MYO3B: variants seen among roughly 807,000 people sequenced by gnomAD.
MYO3B encodes the protein myosin IIIB.
A neutral mutation model predicts 174.6 loss-of-function variants in MYO3B; 156 were observed. The ratio of observed to expected loss-of-function variants is 0.89; its 90% CI spans 0.78 to 1.02. MYO3B has a LOEUF of 1.02. MYO3B is among the 50% of genes least tolerant of loss of function. The pLI, the probability that MYO3B is intolerant of heterozygous loss-of-function variation, is 0.00. For missense variants in MYO3B, 1,632 were observed against 1,639.4 expected (o/e 1.00, Z 0.08); for synonymous variants, 563 against 569.1 (o/e 0.99, Z 0.15).
At chr2:170,485,597 T>C (rs552775959) in intron 25 of MYO3B, among the ~76,000 whole-genome samples, 1 of 152,316 alleles carries the variant, frequency 6.6e-6, no homozygotes, top group South Asian at 2.1e-4. Flanking sequence ...CTCATTGACA[T>C]TCATGATATT....
At chr2:170,372,131 AAAAAAAAAAAAAAAC>A (rs2094252048) in intron 9 of MYO3B, among the ~76,000 whole-genome samples, 1 of 142,550 alleles carries the variant, frequency 7.0e-6, no homozygotes, top group Non-Finnish European at 1.5e-5. Context: ...AAAAAAAAAA[AAAAAAAAAAAAAAAC>A]AACAACAACA....
At chr2:170,386,421 CCT>C (rs1400100640) in intron 13 of MYO3B, 149 bp downstream of exon 13, 1 of 583,880 alleles carries the variant, frequency 1.7e-6, no homozygotes, top group East Asian at 3.1e-5. Flanking sequence ...GATAGCGAGG[CCT>C]CTTAAGATGT....
Position 170,451,996 on chromosome 2 carries a change from G to A in MYO3B, c.2730+7950G>A, listed in dbSNP as rs560657817. 1.5e-4 allele frequency among the ~76,000 whole-genome samples: 23 copies of A among 152,262 alleles called. No homozygotes were observed. The South Asian group carries it at 4.8e-3, about 32-fold the overall frequency. On this transcript the variant is annotated intron_variant, in intron 23 of 34. Transcript: ENST00000408978. Reference sequence around the variant, plus strand: ...AGCCAATCGGCCCATTTTGTAATCAGCCCATCTACATGGGAGTCTCATCTC... The same window carrying A: ...AGCCAATCGGCCCATTTTGTAATCAACCCATCTACATGGGAGTCTCATCTC...
At position 170,386,577 on chromosome 2, in the gene MYO3B, G is replaced by A. The variant is rs148126400; in HGVS notation, c.1374+305G>A. 6.8e-3 allele frequency among the ~76,000 whole-genome samples: 1,037 copies of A among 152,266 alleles called. 13 individuals carry two copies. Among genetic ancestry groups the A allele is most frequent in the African/African-American group, 0.023 (966 of 41,548 alleles). On this transcript the variant is annotated intron_variant, in intron 13 of 34. Transcript: ENST00000408978. ...AAAAATGGTTAAGCACTAGGAACAG[G>A]ATCAGGGAAAGCCACTATAGTGATT... is the stretch of plus-strand genomic sequence containing the variant.
intron 8 of MYO3B, among the ~76,000 whole-genome samples, chr2:170,361,183 TTCTAACCATTTAAGGTGTGA>T (rs2094157902): frequency 6.6e-6 from 1 of 152,168 alleles, no homozygotes; most frequent in Non-Finnish European, 1.5e-5. Context: ...ACAATAACCT[TTCTAACCATTTAAGGTGTGA>T]TCTCCCAGGG....
rs113453257 is a variant in MYO3B at position 170,530,014 on chromosome 2, G to A, written c.3575+10474G>A. On this transcript the variant is annotated intron_variant, in intron 30 of 34. Coordinates refer to ENST00000408978, the MANE Select transcript of MYO3B (RefSeq NM_138995.5). Reference sequence around the variant, plus strand: ...AAATATGCCAATATATTTTCCACTAGCATCGCCCTGGTCACCTTAAATTAA... The same window carrying A: ...AAATATGCCAATATATTTTCCACTAACATCGCCCTGGTCACCTTAAATTAA... Among the ~76,000 whole-genome samples the A allele has an allele frequency of 2.7e-3, 417 of 152,294 alleles. 1 individual carries two copies. Among genetic ancestry groups the A allele is most frequent in the African/African-American group, 9.4e-3 (390 of 41,558 alleles).
intron 1 of MYO3B, among the ~76,000 whole-genome samples, chr2:170,197,080 T>C (rs1272641731): frequency 1.3e-5 from 2 of 151,964 alleles, no homozygotes; most frequent in Non-Finnish European, 2.9e-5. Flanking sequence ...ACTTCTCCTG[T>C]GGCCCCACCC....
At chr2:170,456,518 G>T (rs534920215) in intron 23 of MYO3B, among the ~76,000 whole-genome samples, 9 of 152,236 alleles carry the variant, frequency 5.9e-5, no homozygotes, top group Non-Finnish European at 1.0e-4. Flanking sequence ...TCAACATGGG[G>T]TATATGAACC....
chr2:170,530,531 T>C (rs1440407258), intron 30 of MYO3B, among the ~76,000 whole-genome samples: 1 of 152,236 alleles, frequency 6.6e-6, no homozygotes, highest in Non-Finnish European at 1.5e-5. Context: ...AGCTGTTAGC[T>C]CTGAGAACCA....
chr2:170,512,788 A>G (rs1486194027), intron 28 of MYO3B, among the ~76,000 whole-genome samples: 3 of 152,206 alleles, frequency 2.0e-5, no homozygotes, highest in Non-Finnish European at 2.9e-5. Context: ...AATGACCTGC[A>G]TCATGTAATA....
intron 30 of MYO3B, among the ~76,000 whole-genome samples, chr2:170,537,213 A>C (rs1689760093): frequency 2.7e-5 from 3 of 110,092 alleles, no homozygotes; most frequent in South Asian, 5.8e-4. Flanking sequence ...AAAAAAAAAA[A>C]AACAAAAAAC....
At chr2:170,301,526 C>T (rs964192725) in intron 7 of MYO3B, among the ~76,000 whole-genome samples, 1 of 152,146 alleles carries the variant, frequency 6.6e-6, no homozygotes, top group Admixed American at 6.6e-5. Context: ...TCACACTCTT[C>T]TACTACATTA....
At chr2:170,386,380 A>G (rs1323782597) in intron 13 of MYO3B, 108 bp downstream of exon 13, 29 of 854,730 alleles carry the variant, frequency 3.4e-5, no homozygotes, top group Non-Finnish European at 5.1e-5. Context: ...GCTTACATAA[A>G]GACATTCCAT....
chr2:170,507,921 G>A (rs2106105783), intron 28 of MYO3B, among the ~76,000 whole-genome samples: 1 of 152,312 alleles, frequency 6.6e-6, no homozygotes, highest in South Asian at 2.1e-4. Context: ...TCATGGCATA[G>A]CTTGGAATGC....
chr2:170,473,268 G>A (rs1575036925), intron 25 of MYO3B, among the ~76,000 whole-genome samples: 2 of 147,592 alleles, frequency 1.4e-5, no homozygotes, highest in Non-Finnish European at 1.5e-5. Flanking sequence ...TCAGCCTCCC[G>A]AGTAGCTGGG....
intron 3 of MYO3B, among the ~76,000 whole-genome samples, chr2:170,205,019 T>C (rs2092700430): frequency 6.6e-6 from 1 of 152,184 alleles, no homozygotes; most frequent in Non-Finnish European, 1.5e-5. Context: ...CTGGTGGGCT[T>C]ATCAACTTCA....
At position 170,544,380 on chromosome 2, in the gene MYO3B, T is replaced by C. The variant is rs1169121987; in HGVS notation, c.3733+392T>C. The stretch of plus-strand genomic sequence containing the variant: ...TTCTGCCCTTTTGGCAACATGGCCA[T>C]TCTTTGAGCAAGTAGACAGAAATGC... On this transcript the variant is annotated intron_variant, in intron 32 of 34. Coordinates refer to ENST00000408978, the MANE Select transcript of MYO3B (RefSeq NM_138995.5). 7.9e-5 allele frequency among the ~76,000 whole-genome samples: 12 copies of C among 152,358 alleles called. 1 individual carries two copies. The highest frequency in any genetic ancestry group is 3.9e-4 in the East Asian group (2 of 5,188).
intron 10 of MYO3B, 65 bp from the exon 11 acceptor site, chr2:170,383,008 A>G: frequency 9.7e-7 from 1 of 1,030,664 alleles, no homozygotes; most frequent in Non-Finnish European, 1.5e-6. Flanking sequence ...ATTTGTTGTC[A>G]TTTTTAGAAT....
intron 6 of MYO3B, among the ~76,000 whole-genome samples, chr2:170,219,549 C>G (rs763087415): frequency 1.3e-5 from 2 of 151,724 alleles, no homozygotes; most frequent in African/African-American, 2.4e-5. Context: ...GAGGTTGAGG[C>G]AGGAGAATTG....
Sources: gnomAD v4.1 joint callset for allele counts (sites outside exome capture counted in the v4.1 genomes callset) on GRCh38, gnomAD v4.1.1 for gene constraint, MANE v1.5 for transcripts, NCBI Gene and HGNC (gene_info 2026-07-23, HGNC 2026-07-21) for gene names.